The following PCDH15 variants were observed in gnomAD, a reference collection of about 807,000 sequenced individuals.
PCDH15 encodes the protein protocadherin-15.
Under a neutral mutation model 178.5 loss-of-function variants are expected in PCDH15, and 129 were observed. That is an observed-to-expected ratio of 0.72 (90% CI 0.63 to 0.84). PCDH15 has a LOEUF of 0.84. Among genes scored for constraint, PCDH15 ranks in the 40% least tolerant of loss-of-function variants. The probability of loss-of-function intolerance (pLI) is 0.00; values close to 1 mark genes in which losing one functional copy is unlikely to be tolerated. For synonymous variants in PCDH15, 800 were observed against 732.0 expected, an observed-to-expected ratio of 1.09 and a Z score of -1.50; for missense variants, 2,230 against 2,099.9, an observed-to-expected ratio of 1.06 and a Z score of -1.21.
rs35940637 is a variant in PCDH15, at chr10:55,589,081, C to CAAAAAAAAAA, written c.-156+38534_-156+38543dup. Among the ~76,000 whole-genome samples the CAAAAAAAAAA allele has an allele frequency of 1.2e-4, 10 of 81,074 alleles. 1 individual carries two copies. The highest frequency in any genetic ancestry group is 6.9e-4 in the East Asian group (2 of 2,896). The allele number at this position is 81,074 out of a possible 152,430, so 53.2% of individuals were successfully genotyped here. A position where few individuals can be genotyped will look rare whatever the true frequency, so the allele number is the denominator to read the frequency against. On this transcript the variant is annotated intron_variant, in intron 2 of 5. Transcript: ENST00000613346. The stretch of plus-strand genomic sequence containing the variant: ...GGGCAGCAAGAGCAAAATTCCGTGT[C>CAAAAAAAAAA]AAAAAAAAAAAAAAAAAAAAGAAAG...
At chr10:55,414,324 T>TA (rs1325960384) in intron 2 of PCDH15, among the ~76,000 whole-genome samples, 2 of 151,562 alleles carry the variant, frequency 1.3e-5, no homozygotes, top group African/African-American at 4.8e-5. Context: ...TAAGTAGTAG[T>TA]AGTACAACCC....
At chr10:55,211,121 A>G (rs1219758585) in intron 1 of PCDH15, among the ~76,000 whole-genome samples, 1 of 152,062 alleles carries the variant, frequency 6.6e-6, no homozygotes, top group Non-Finnish European at 1.5e-5. Flanking sequence ...GGGTCAAGGT[A>G]ATGAAGATGT....
At chr10:55,330,814 TCTCTTAAA>T (rs1844179018) in intron 2 of PCDH15, among the ~76,000 whole-genome samples, 1 of 148,948 alleles carries the variant, frequency 6.7e-6, no homozygotes, top group Non-Finnish European at 1.5e-5. Flanking sequence ...TCTCATTATC[TCTCTTAAA>T]TAGATAGATT....
At chr10:54,731,541 G>GATTATATAT (rs1555172490) in intron 1 of PCDH15, among the ~76,000 whole-genome samples, 1 of 68,318 alleles carries the variant, frequency 1.5e-5, no homozygotes, top group Non-Finnish European at 2.9e-5. Context: ...GAAAATGTGA[G>GATTATATAT]ATAGATATAT....
chr10:54,939,502 A>AAAAAAAG (rs1838004480), intron 2 of PCDH15, among the ~76,000 whole-genome samples: 1 of 147,738 alleles, frequency 6.8e-6, no homozygotes, highest in African/African-American at 2.5e-5. Flanking sequence ...CTCAAAAAAA[A>AAAAAAAG]AAAAAAAAAA....
At chr10:54,088,090 T>C (rs2136030947) in intron 16 of PCDH15, among the ~76,000 whole-genome samples, 1 of 152,314 alleles carries the variant, frequency 6.6e-6, no homozygotes, top group South Asian at 2.1e-4. Flanking sequence ...CCTCTTTTCA[T>C]TACAAAATAC....
Position 54,345,801 on chromosome 10 carries a change from C to CAAAAAAAAA in PCDH15, c.594+555_594+563dup, listed in dbSNP as rs540507383. 1.9e-4 allele frequency among the ~76,000 whole-genome samples: 10 copies of CAAAAAAAAA among 52,462 alleles called. 1 individual carries two copies. The highest frequency in any genetic ancestry group is 2.9e-4 in the Non-Finnish European group (9 of 31,060). 34.4% of individuals were successfully genotyped at this position (52,462 alleles called of 152,430 possible). ...TGGGCAACAGAGCGAGACTCCGTCT[C>CAAAAAAAAA]AAAAAAAAAAAAAAAAAAAAAAAAA... On this transcript the variant is annotated intron_variant, in intron 6 of 37. Coordinates refer to ENST00000644397, the MANE Select transcript of PCDH15 (RefSeq NM_001384140.1).
At chr10:54,424,968 C>T (rs753651178) in intron 3 of PCDH15, among the ~76,000 whole-genome samples, 4 of 149,386 alleles carry the variant, frequency 2.7e-5, no homozygotes, top group African/African-American at 7.4e-5. Flanking sequence ...TGTAACAAAC[C>T]GGCACGTTGT....
At chr10:54,664,067 TC>T in intron 2 of PCDH15, 104 bp downstream of exon 2, 1 of 895,440 alleles carries the variant, frequency 1.1e-6, no homozygotes, top group South Asian at 1.4e-5. Flanking sequence ...TACTAACCTT[TC>T]AATCATAAAC....
At chr10:55,091,465 GTGAA>G (rs556305311) in intron 2 of PCDH15, among the ~76,000 whole-genome samples, 35,822 of 151,796 alleles carry the variant, frequency 0.24, 4,845 homozygotes, top group African/African-American at 0.36. Context: ...GAGGTCTAAA[GTGAA>G]TTAATCCTTG....
In PCDH15 at chr10:55,258,758, CTTTTT is replaced by C. The variant is rs11398382; in HGVS notation, c.-156+60836_-156+60840del. 5.5e-5 allele frequency among the ~76,000 whole-genome samples: 6 copies of C among 108,160 alleles called. No homozygotes were observed. The East Asian group carries it at 8.4e-4, about 15-fold the overall frequency. 71.0% of individuals were successfully genotyped at this position (108,160 alleles called of 152,430 possible). ...TCATAGACAGGATTTTGTTTGTCTG[CTTTTT>C]TTTTTTTTTTTTTTTTAATAAACAG... On this transcript the variant is annotated intron_variant, in intron 1 of 5. Transcript: ENST00000458638.
At chr10:54,409,216 G>T (rs150776536) in intron 3 of PCDH15, among the ~76,000 whole-genome samples, 89 of 152,162 alleles carry the variant, frequency 5.8e-4, no homozygotes, top group African/African-American at 2.1e-3. Context: ...TTTGTAAATC[G>T]TCCAGTCTCA....
At position 55,311,655 on chromosome 10, in the gene PCDH15, T is replaced by TAGTA. The variant is rs1843590118; in HGVS notation, c.-156+7940_-156+7943dup. ...ATTGAGTAGATTTTTGAAGATCAGGTAGTAGGTAGGCAGCCTGATCAATTC... is the reference window on the plus strand; with the variant it reads ...ATTGAGTAGATTTTTGAAGATCAGGTAGTAAGTAGGTAGGCAGCCTGATCAATTC... On this transcript the variant is annotated intron_variant, in intron 1 of 5. Coordinates refer to the PCDH15 transcript ENST00000458638. 7.9e-5 allele frequency among the ~76,000 whole-genome samples: 12 copies of TAGTA among 152,094 alleles called. No individual in the cohort carries two copies. In the South Asian group the frequency reaches 2.5e-3, roughly 32 times the overall value.
Position 54,318,048 on chromosome 10 carries a change from G to C in PCDH15, c.706-607C>G, listed in dbSNP as rs181536002. Among the ~76,000 whole-genome samples, 124 of 152,216 alleles carry C rather than the reference G, an allele frequency of 8.1e-4. 1 individual carries two copies. Among genetic ancestry groups the C allele is most frequent in the African/African-American group, 2.9e-3 (122 of 41,554 alleles). On this transcript the variant is annotated intron_variant, in intron 7 of 37. Transcript: ENST00000644397. ...TTAGAGCATTTACTTTAGAAACCTTGTAATTGTAAATTCCTTCTCTGCGCC... is the reference window on the plus strand; with the variant it reads ...TTAGAGCATTTACTTTAGAAACCTTCTAATTGTAAATTCCTTCTCTGCGCC...
intron 13 of PCDH15, among the ~76,000 whole-genome samples, chr10:54,160,875 T>A (rs1048700890): frequency 6.6e-6 from 1 of 152,160 alleles, no homozygotes; most frequent in South Asian, 2.1e-4. Context: ...GTATAATGGC[T>A]TTAACAAATG....
At chr10:54,058,266 T>A (rs1334228009) in intron 18 of PCDH15, among the ~76,000 whole-genome samples, 1 of 152,178 alleles carries the variant, frequency 6.6e-6, no homozygotes, top group Non-Finnish European at 1.5e-5. Flanking sequence ...ATTAGACTGT[T>A]TTCATGCTGC....
intron 2 of PCDH15, among the ~76,000 whole-genome samples, chr10:54,622,609 A>T (rs1268973360): frequency 1.1e-5 from 1 of 93,264 alleles, no homozygotes; most frequent in African/African-American, 5.0e-5. Flanking sequence ...AATATATATA[A>T]TTATATATAA....
At chr10:55,011,117 C>A (rs1218660871) in intron 2 of PCDH15, among the ~76,000 whole-genome samples, 2 of 152,000 alleles carry the variant, frequency 1.3e-5, no homozygotes, top group Non-Finnish European at 2.9e-5. Context: ...TACACACACA[C>A]ACATACACGT....
intron 2 of PCDH15, among the ~76,000 whole-genome samples, chr10:54,628,380 T>G (rs1402817932): frequency 6.6e-6 from 1 of 152,218 alleles, no homozygotes; most frequent in Non-Finnish European, 1.5e-5. Context: ...TTTCTCTTAT[T>G]CTGGATTTTC....
Sources: gnomAD v4.1 joint callset for allele counts (sites outside exome capture counted in the v4.1 genomes callset) on GRCh38, gnomAD v4.1.1 for gene constraint, MANE v1.5 for transcripts, NCBI Gene and HGNC (gene_info 2026-07-23, HGNC 2026-07-21) for gene names.